SORCS3: variants seen among roughly 807,000 people sequenced by gnomAD.
SORCS3 encodes the protein VPS10 domain-containing receptor SorCS3.
Under a neutral mutation model 146.3 loss-of-function variants are expected in SORCS3, and 57 were observed. The ratio of observed to expected loss-of-function variants is 0.39; its 90% confidence interval spans 0.31 to 0.49. The LOEUF is 0.49. Among genes scored for constraint, SORCS3 ranks in the 20% least tolerant of loss-of-function variants. The probability of loss-of-function intolerance (pLI) is 0.92; values close to 1 mark genes in which losing one functional copy is unlikely to be tolerated. For missense variants in SORCS3, 1,341 were observed against 1,575.5 expected (o/e 0.85, Z 2.52); for synonymous variants, 653 against 618.5 (o/e 1.06, Z -0.83).
rs1203397187 is a variant in SORCS3 at position 105,098,418 on chromosome 10, C to T, written c.1094-6979C>T. ...GGTATCAAATTGTATAACAACTTGC[C>T]CAAGGTCACATAGACGGCTAGTGAC... is the stretch of plus-strand genomic sequence containing the variant. On this transcript the variant is annotated intron_variant, in intron 6 of 26. Coordinates refer to ENST00000369701, the MANE Select transcript of SORCS3 (RefSeq NM_014978.3). 3.3e-5 allele frequency among the ~76,000 whole-genome samples: 5 copies of T among 152,226 alleles called. No homozygotes were observed. The East Asian group carries it at 5.8e-4, about 18-fold the overall frequency.
intron 4 of SORCS3, among the ~76,000 whole-genome samples, chr10:105,016,155 A>ATATATATATATATATATATATATTT (rs71482443): frequency 7.9e-5 from 8 of 101,336 alleles, no homozygotes; most frequent in African/African-American, 2.9e-4. Flanking sequence ...ATATATATAT[A>ATATATATATATATATATATATATTT]TTTTTTTTTT....
At chr10:105,234,360 G>T (rs1387042888) in intron 20 of SORCS3, among the ~76,000 whole-genome samples, 12 of 151,850 alleles carry the variant, frequency 7.9e-5, no homozygotes, top group African/African-American at 2.2e-4. Context: ...TCTAGGTGTA[G>T]ATTTTTCAGC....
At chr10:105,220,277 A>G (rs1247258672) in intron 19 of SORCS3, among the ~76,000 whole-genome samples, 1 of 152,186 alleles carries the variant, frequency 6.6e-6, no homozygotes, top group Non-Finnish European at 1.5e-5. Flanking sequence ...ATTTTTAACC[A>G]AACATGCTTG....
chr10:104,851,932 A>G (rs1355935390), intron 2 of SORCS3, among the ~76,000 whole-genome samples: 1 of 152,224 alleles, frequency 6.6e-6, no homozygotes, highest in Non-Finnish European at 1.5e-5. Flanking sequence ...AACTGGTAAA[A>G]GACGTCTCCT....
intron 1 of SORCS3, among the ~76,000 whole-genome samples, chr10:104,750,013 A>G (rs1046608009): frequency 4.6e-5 from 7 of 152,240 alleles, no homozygotes; most frequent in African/African-American, 1.7e-4. Flanking sequence ...TTTGATCAGC[A>G]TCAGACACAT....
chr10:105,061,586 C>T (rs890909321), intron 5 of SORCS3, among the ~76,000 whole-genome samples: 31 of 150,116 alleles, frequency 2.1e-4, no homozygotes, highest in Admixed American at 1.7e-3. Context: ...TGAGTCACTG[C>T]GCCTGGCCCC....
intron 4 of SORCS3, among the ~76,000 whole-genome samples, chr10:105,020,340 A>T (rs991964206): frequency 6.6e-6 from 1 of 152,208 alleles, no homozygotes; most frequent in Non-Finnish European, 1.5e-5. Flanking sequence ...CCAAGTCTTC[A>T]TTGGCTCTCC....
intron 4 of SORCS3, among the ~76,000 whole-genome samples, chr10:104,998,448 C>T (rs2055039997): frequency 1.3e-5 from 2 of 152,092 alleles, no homozygotes; most frequent in African/African-American, 2.4e-5. Flanking sequence ...GCAGAATTCT[C>T]CTCCAGGCCT....
At chr10:104,947,039 TGA>T (rs1218542281) in intron 3 of SORCS3, among the ~76,000 whole-genome samples, 1 of 152,042 alleles carries the variant, frequency 6.6e-6, no homozygotes, top group East Asian at 1.9e-4. Flanking sequence ...CATGGAAGAT[TGA>T]GAGAGTAGAT....
chr10:105,074,637 G>A (rs1301967364), intron 5 of SORCS3, among the ~76,000 whole-genome samples: 1 of 152,110 alleles, frequency 6.6e-6, no homozygotes, highest in East Asian at 1.9e-4. Context: ...CTTCCTGGGG[G>A]TCCCCATATG....
At chr10:105,234,166 GT>G (rs1216213984) in intron 20 of SORCS3, among the ~76,000 whole-genome samples, 1 of 151,978 alleles carries the variant, frequency 6.6e-6, no homozygotes, top group Non-Finnish European at 1.5e-5. Flanking sequence ...GATTGGTGGT[GT>G]TTTTTTCCCT....
At chr10:104,885,330 G>T (rs1195084406) in intron 2 of SORCS3, among the ~76,000 whole-genome samples, 1 of 152,180 alleles carries the variant, frequency 6.6e-6, no homozygotes, top group Non-Finnish European at 1.5e-5. Context: ...AGTTTGTGCT[G>T]CCAGGAAGAC....
intron 14 of SORCS3, among the ~76,000 whole-genome samples, chr10:105,181,382 G>T (rs1226029340): frequency 6.6e-6 from 1 of 152,110 alleles, no homozygotes; most frequent in Non-Finnish European, 1.5e-5. Flanking sequence ...GTGTGTAGAG[G>T]TGTCTATATG....
chr10:104,999,487 A>C (rs956569135), intron 4 of SORCS3, among the ~76,000 whole-genome samples: 5 of 152,190 alleles, frequency 3.3e-5, no homozygotes, highest in Non-Finnish European at 7.4e-5. Context: ...GTTTTCCCTT[A>C]TTCACTACCT....
chr10:105,136,485 C>T (rs1327405023), intron 7 of SORCS3, among the ~76,000 whole-genome samples: 1 of 152,070 alleles, frequency 6.6e-6, no homozygotes, highest in Non-Finnish European at 1.5e-5. Flanking sequence ...AACCACAGAA[C>T]CAGCATTGTC....
At chr10:105,255,039 T>G (rs1186731642) in intron 23 of SORCS3, among the ~76,000 whole-genome samples, 1 of 151,162 alleles carries the variant, frequency 6.6e-6, no homozygotes, top group Non-Finnish European at 1.5e-5. Context: ...ATACAAAAAA[T>G]TAGCCGGGCG....
At chr10:104,651,408 C>G (rs1287169365) in intron 1 of SORCS3, among the ~76,000 whole-genome samples, 1 of 151,816 alleles carries the variant, frequency 6.6e-6, no homozygotes, top group Non-Finnish European at 1.5e-5. Flanking sequence ...GCATAATAGG[C>G]TATTTTAACA....
chr10:104,989,285 C>T (rs1412295729), intron 4 of SORCS3, among the ~76,000 whole-genome samples: 2 of 152,208 alleles, frequency 1.3e-5, no homozygotes, highest in Admixed American at 1.3e-4. Context: ...TGAAGTCTGA[C>T]TCTGCATGTA....
intron 20 of SORCS3, among the ~76,000 whole-genome samples, chr10:105,242,489 T>TATATTTATATACATTTATATAC (rs2056833800): frequency 1.4e-4 from 3 of 21,390 alleles, no homozygotes; most frequent in Non-Finnish European, 2.5e-4. Context: ...TATATTTATA[T>TATATTTATATACATTTATATAC]ATTTATATAT....
Sources: gnomAD v4.1 joint callset for allele counts (sites outside exome capture counted in the v4.1 genomes callset) on GRCh38, gnomAD v4.1.1 for gene constraint, MANE v1.5 for transcripts, NCBI Gene and HGNC (gene_info 2026-07-23, HGNC 2026-07-21) for gene names.